HECW1: variants seen among roughly 807,000 people sequenced by gnomAD.
HECW1 encodes the protein HECT, C2 and WW domain containing E3 ubiquitin protein ligase 1.
Under a neutral mutation model 182.3 loss-of-function variants are expected in HECW1, and 61 were observed. That is an observed-to-expected ratio of 0.33 (90% confidence interval 0.27 to 0.41). HECW1 has a LOEUF of 0.41. HECW1 is among the 10% of genes least tolerant of loss of function. The pLI is 1.00. For synonymous variants in HECW1, 859 were observed against 832.6 expected, an observed-to-expected ratio of 1.03 and a Z score of -0.55; for missense variants, 1,739 against 2,108.9, an observed-to-expected ratio of 0.82 and a Z score of 3.44.
rs191415248 is a variant in HECW1, at chr7:43,359,106, G to A, written c.461-1780G>A. ...CTCCCAAAGTGTTGGGATTACAGGC[G>A]TGAGCCACCGTGCCCGGCCCATATC... is the stretch of plus-strand genomic sequence containing the variant. On this transcript the variant is annotated intron_variant, in intron 5 of 29. Coordinates refer to ENST00000395891, the MANE Select transcript of HECW1 (RefSeq NM_015052.5). 7.9e-5 allele frequency among the ~76,000 whole-genome samples: 12 copies of A among 152,274 alleles called. No homozygotes were observed. In the South Asian group the frequency reaches 2.1e-3, roughly 26 times the overall value.
At chr7:43,244,157 G>A (rs1799144381) in intron 3 of HECW1, among the ~76,000 whole-genome samples, 1 of 152,118 alleles carries the variant, frequency 6.6e-6, no homozygotes, top group Non-Finnish European at 1.5e-5. Context: ...TTTTGCATGT[G>A]GAGTCCTCCT....
In HECW1 at chr7:43,450,903, C is replaced by T; in HGVS notation, c.2474C>T (p.Pro825Leu). Residue 825 changes from proline (P) to leucine (L), a missense_variant, in exon 12 of 30, where the codon CCA becomes CTA. By Grantham distance (98) the Pro-to-Leu change is moderately conservative. This residue lies in a region of HECW1 where 971 missense variants were observed against 1,029.1 expected (regional missense o/e 0.94). Coordinates refer to ENST00000395891, the MANE Select transcript of HECW1 (RefSeq NM_015052.5). ...CTGAGGCCTGAACATCATCACTACC[C>T]AACAATCGATGAGCCTCTTCCACCA... ...PSLRPEHHHY[P>L]TIDEPLPPNW... is the part of the protein sequence containing the mutation. 1 of 1,612,110 alleles carries T rather than the reference C, an allele frequency of 6.2e-7. No homozygotes were observed. Among genetic ancestry groups the T allele is most frequent in the Non-Finnish European group, 8.5e-7 (1 of 1,178,196 alleles).
At chr7:43,261,270 C>G (rs965230350) in intron 3 of HECW1, among the ~76,000 whole-genome samples, 53 of 152,282 alleles carry the variant, frequency 3.5e-4, no homozygotes, top group Admixed American at 1.3e-4. Flanking sequence ...AAGAAATTGC[C>G]TTTTTTTCCC....
chr7:43,373,843 T>C (rs958928698), intron 6 of HECW1, among the ~76,000 whole-genome samples: 2 of 152,196 alleles, frequency 1.3e-5, no homozygotes, highest in African/African-American at 4.8e-5. Context: ...TTCCTGTCTC[T>C]AGGAATTTGA....
intron 5 of HECW1, among the ~76,000 whole-genome samples, chr7:43,354,967 A>C (rs1038187486): frequency 2.0e-5 from 3 of 151,912 alleles, no homozygotes; most frequent in African/African-American, 4.8e-5. Flanking sequence ...CAGGCAGCAG[A>C]CTTCTTAATG....
chr7:43,554,430 A>G (rs2081953021), intron 28 of HECW1, among the ~76,000 whole-genome samples, 162 bp from the exon 29 acceptor site: 1 of 152,236 alleles, frequency 6.6e-6, no homozygotes, highest in South Asian at 2.1e-4. Flanking sequence ...ACCTGGTTGC[A>G]CAAATTGTTT....
At position 43,119,440 on chromosome 7, in the gene HECW1, G is replaced by A. The variant is rs118124025; in HGVS notation, c.-32+5049G>A. 9.0e-4 allele frequency among the ~76,000 whole-genome samples: 137 copies of A among 152,220 alleles called. 2 individuals are homozygous for A. The East Asian group carries it at 0.021, about 23-fold the overall frequency. On this transcript the variant is annotated intron_variant, in intron 2 of 29. Transcript: ENST00000395891. Reference sequence around the variant, plus strand: ...TGGATGGCCCCTGAGTTTTTATCCCGATTGATCTCAACTGAATTTTGACCT... The same window carrying A: ...TGGATGGCCCCTGAGTTTTTATCCCAATTGATCTCAACTGAATTTTGACCT...
chr7:43,396,959 C>A, intron 7 of HECW1, 70 bp downstream of exon 7: 1 of 1,071,078 alleles, frequency 9.3e-7, no homozygotes, highest in Non-Finnish European at 1.4e-6. Flanking sequence ...ACACTCACTT[C>A]CATTTCACTC....
intron 3 of HECW1, among the ~76,000 whole-genome samples, chr7:43,264,482 C>T (rs2152735586): frequency 6.6e-6 from 1 of 152,218 alleles, no homozygotes; most frequent in Admixed American, 6.5e-5. Flanking sequence ...CTGACTTTAG[C>T]CATAAATCTC....
chr7:43,127,080 A>G (rs1477097147), intron 2 of HECW1, among the ~76,000 whole-genome samples: 6 of 152,222 alleles, frequency 3.9e-5, no homozygotes, highest in African/African-American at 1.4e-4. Context: ...GCTAGAAATG[A>G]TCAAGCTTAG....
rs570198933 is a variant in HECW1, at chr7:43,321,662, G to A, written c.460+920G>A. 4.3e-4 allele frequency among the ~76,000 whole-genome samples: 65 copies of A among 152,276 alleles called. 1 individual carries two copies. The highest frequency in any genetic ancestry group is 7.8e-4 in the Non-Finnish European group (53 of 68,026). On this transcript the variant is annotated intron_variant, in intron 5 of 29. Transcript: ENST00000395891. ...AGGAAATGGAGTGATCTGTTATTCCGGCTATCCAGTTCTCAGAGAAAAAGA... is the reference window on the plus strand; with the variant it reads ...AGGAAATGGAGTGATCTGTTATTCCAGCTATCCAGTTCTCAGAGAAAAAGA...
chr7:43,488,398 G>GAGA (rs1563045335), intron 17 of HECW1, among the ~76,000 whole-genome samples: 3 of 83,936 alleles, frequency 3.6e-5, no homozygotes, highest in East Asian at 6.8e-4. Context: ...AAGGAAGGAA[G>GAGA]GAAATGAAAG....
At chr7:43,488,108 A>G (rs1585058784) in intron 17 of HECW1, among the ~76,000 whole-genome samples, 1 of 152,004 alleles carries the variant, frequency 6.6e-6, no homozygotes, top group East Asian at 1.9e-4. Context: ...TCAGGAGTTC[A>G]AAACCAGCCT....
At chr7:43,212,958 A>G (rs754776718) in intron 2 of HECW1, among the ~76,000 whole-genome samples, 1 of 152,226 alleles carries the variant, frequency 6.6e-6, no homozygotes, top group Non-Finnish European at 1.5e-5. Flanking sequence ...TAGCTCTAAG[A>G]TTATGACAGA....
intron 2 of HECW1, among the ~76,000 whole-genome samples, chr7:43,214,796 C>A (rs923675830): frequency 3.9e-5 from 6 of 152,218 alleles, no homozygotes; most frequent in African/African-American, 1.4e-4. Flanking sequence ...CAGAGAGGGG[C>A]CAGCTCACAG....
chr7:43,156,335 A>G (rs1018549230), intron 2 of HECW1, among the ~76,000 whole-genome samples: 5 of 152,194 alleles, frequency 3.3e-5, no homozygotes, highest in South Asian at 2.1e-4. Flanking sequence ...TGAATGAATT[A>G]TGGGGTGTGC....
intron 2 of HECW1, chr7:43,194,333 T>A (rs1178190103): frequency 6.6e-6 from 1 of 152,214 alleles, no homozygotes; most frequent in African/African-American, 2.4e-5. Flanking sequence ...AATGCTGAAC[T>A]AAAGTGAGAT....
At chr7:43,373,273 G>A (rs990850114) in intron 6 of HECW1, among the ~76,000 whole-genome samples, 1 of 137,818 alleles carries the variant, frequency 7.3e-6, no homozygotes, top group South Asian at 2.5e-4. Flanking sequence ...GCAGTGGCTT[G>A]ATCTGGGCTC....
At chr7:43,507,294 T>C (rs750127399) in intron 22 of HECW1, 37 bp downstream of exon 22, 4 of 1,601,924 alleles carry the variant, frequency 2.5e-6, no homozygotes, top group Non-Finnish European at 2.6e-6. Context: ...ATTCAGACAG[T>C]AGATTTTTCA....
Sources: allele counts gnomAD v4.1 joint callset (sites outside exome capture counted in the v4.1 genomes callset), GRCh38; gene constraint gnomAD v4.1.1; regional missense constraint gnomAD v4.1.1; transcripts MANE v1.5; gene names NCBI Gene and HGNC (gene_info 2026-07-23, HGNC 2026-07-21).